The following PRIM2 variants were observed in gnomAD, a reference collection of about 807,000 sequenced individuals.
The protein encoded by PRIM2 is DNA primase large subunit.
PRIM2 carries 39 observed loss-of-function variants against 67.3 expected under a neutral mutation model. The ratio of observed to expected loss-of-function variants is 0.58; its 90% CI spans 0.45 to 0.76. The LOEUF (loss-of-function observed/expected upper bound fraction) is 0.76. Among genes scored for constraint, PRIM2 ranks in the 30% least tolerant of loss-of-function variants. PRIM2 has a pLI of 0.00. For synonymous variants in PRIM2, 143 were observed against 198.7 expected (o/e 0.72, Z 2.36); for missense variants, 398 against 598.7 (o/e 0.66, Z 3.50).
At chr6:57,490,182 C>T (rs1387991668) in intron 7 of PRIM2, among the ~76,000 whole-genome samples, 1 of 152,128 alleles carries the variant, frequency 6.6e-6, no homozygotes, top group Non-Finnish European at 1.5e-5. Context: ...CTGCTGCTTT[C>T]TGGGACTTTA....
rs1775797676 is a variant in PRIM2 at position 57,568,708 on chromosome 6, T to TA, written c.1020+31086dup. On this transcript the variant is annotated intron_variant, in intron 10 of 13. Transcript: ENST00000615550. ...TAAAAATGGTGAGCAACCATGTGGT[T>TA]AAATGTGAAGATTGGAGAGCTATCT... Among the ~76,000 whole-genome samples the TA allele has an allele frequency of 9.8e-5, 15 of 152,360 alleles. No homozygotes were observed. The South Asian group carries it at 3.1e-3, about 32-fold the overall frequency.
At chr6:57,355,179 C>T (rs1278225887) in intron 5 of PRIM2, among the ~76,000 whole-genome samples, 1 of 152,184 alleles carries the variant, frequency 6.6e-6, no homozygotes, top group Non-Finnish European at 1.5e-5. Context: ...TGGCGGGCGC[C>T]TGCAATCCCA....
At chr6:57,452,222 T>C (rs1772578955) in intron 7 of PRIM2, among the ~76,000 whole-genome samples, 1 of 152,314 alleles carries the variant, frequency 6.6e-6, no homozygotes, top group Non-Finnish European at 1.5e-5. Context: ...TTTGCTATTG[T>C]GAATAGTGCC....
intron 7 of PRIM2, among the ~76,000 whole-genome samples, chr6:57,413,786 T>G (rs1490159650): frequency 2.8e-4 from 42 of 152,156 alleles, no homozygotes; most frequent in Admixed American, 5.2e-4. Flanking sequence ...ATATTAATAC[T>G]GTTGTAAAAC....
chr6:57,275,974 G>T, the PRIM2 span, among the ~76,000 whole-genome samples: 1 of 152,214 alleles, frequency 6.6e-6, no homozygotes, highest in South Asian at 2.1e-4. Context: ...GTATAGCAGT[G>T]ACGAGGAAGG....
the PRIM2 span, among the ~76,000 whole-genome samples, chr6:57,244,900 A>G: frequency 6.6e-6 from 1 of 152,098 alleles, no homozygotes; most frequent in East Asian, 1.9e-4. Flanking sequence ...TTTATTTCGT[A>G]TTAATTATGG....
intron 5 of PRIM2, among the ~76,000 whole-genome samples, chr6:57,376,954 G>A (rs111958732): frequency 6.6e-6 from 1 of 151,970 alleles, no homozygotes; most frequent in Non-Finnish European, 1.5e-5. Context: ...CTGGCTCACC[G>A]CAACCTCCAC....
intron 5 of PRIM2, among the ~76,000 whole-genome samples, chr6:57,346,285 G>A (rs537351274): frequency 6.6e-6 from 1 of 151,988 alleles, no homozygotes; most frequent in East Asian, 1.9e-4. Context: ...GGTTTCTGAA[G>A]GTGTTCTGAA....
intron 5 of PRIM2, among the ~76,000 whole-genome samples, chr6:57,377,506 C>T (rs1769809656): frequency 1.3e-5 from 2 of 148,932 alleles, no homozygotes; most frequent in Non-Finnish European, 3.0e-5. Context: ...TTTTCATTGG[C>T]CTGGGGTCAT....
At chr6:57,578,119 C>G (rs1466393376) in intron 10 of PRIM2, among the ~76,000 whole-genome samples, 1 of 152,178 alleles carries the variant, frequency 6.6e-6, no homozygotes, top group African/African-American at 2.4e-5. Context: ...TGAGGTCATG[C>G]ATTTTTGGCA....
chr6:57,307,627 C>T, the PRIM2 span, among the ~76,000 whole-genome samples: 1 of 152,014 alleles, frequency 6.6e-6, no homozygotes, highest in African/African-American at 2.4e-5. Context: ...AGGGCTTACT[C>T]GAAGTCAATA....
intron 10 of PRIM2, among the ~76,000 whole-genome samples, chr6:57,588,041 GT>G (rs1240202559): frequency 3.2e-4 from 49 of 152,282 alleles, no homozygotes; most frequent in African/African-American, 1.1e-3. Flanking sequence ...AATTTTAATA[GT>G]TTGCTTAAAT....
the PRIM2 span, among the ~76,000 whole-genome samples, chr6:57,254,601 TC>T: frequency 7.2e-5 from 11 of 152,208 alleles, no homozygotes; most frequent in East Asian, 3.9e-4. Flanking sequence ...CTCAGGCCTT[TC>T]CTGGGCCTTG....
chr6:57,328,856 G>A (rs1581794580), intron 5 of PRIM2, among the ~76,000 whole-genome samples: 2 of 152,276 alleles, frequency 1.3e-5, no homozygotes, highest in East Asian at 3.9e-4. Flanking sequence ...AGCCATCATA[G>A]TGAGTATGAA....
chr6:57,550,221 G>A (rs1775372996), intron 10 of PRIM2, among the ~76,000 whole-genome samples: 2 of 152,028 alleles, frequency 1.3e-5, no homozygotes, highest in African/African-American at 4.8e-5. Flanking sequence ...AAGCTTTATT[G>A]CAGTGAAATT....
intron 12 of PRIM2, among the ~76,000 whole-genome samples, chr6:57,626,651 G>A (rs1343605773): frequency 2.7e-5 from 4 of 149,758 alleles, no homozygotes; most frequent in African/African-American, 4.9e-5. Flanking sequence ...TAAAGACAGG[G>A]TCTCATTCTG....
chr6:57,351,254 C>T (rs1768848768), intron 5 of PRIM2, among the ~76,000 whole-genome samples: 1 of 151,832 alleles, frequency 6.6e-6, no homozygotes, highest in African/African-American at 2.4e-5. Flanking sequence ...ATCTGAAATG[C>T]TCCAGTGAGC....
chr6:57,373,487 G>A (rs1441145238), intron 5 of PRIM2, among the ~76,000 whole-genome samples: 1 of 151,938 alleles, frequency 6.6e-6, no homozygotes, highest in African/African-American at 2.4e-5. Context: ...TTTTGCTTTT[G>A]TTTCAATTGT....
At chr6:57,280,211 G>A in the PRIM2 span, among the ~76,000 whole-genome samples, 1 of 152,176 alleles carries the variant, frequency 6.6e-6, no homozygotes, top group Non-Finnish European at 1.5e-5. Context: ...GGAGGTGACA[G>A]AAAGGCATAA....
Sources: allele counts gnomAD v4.1 joint callset (sites outside exome capture counted in the v4.1 genomes callset), GRCh38; gene constraint gnomAD v4.1.1; transcripts MANE v1.5; gene names NCBI Gene and HGNC (gene_info 2026-07-23, HGNC 2026-07-21).